The following KIAA1328 variants were observed in gnomAD, a reference collection of about 807,000 sequenced individuals.
KIAA1328 encodes protein hinderin.
Under a neutral mutation model 68.1 loss-of-function variants are expected in KIAA1328, and 52 were observed. That is an observed-to-expected ratio of 0.76 (90% CI 0.61 to 0.96). The LOEUF (loss-of-function observed/expected upper bound fraction) is 0.96. KIAA1328 is among the 40% of genes least tolerant of loss of function. KIAA1328 has a pLI of 0.00. For synonymous variants in KIAA1328, 232 were observed against 239.4 expected, an observed-to-expected ratio of 0.97 and a Z score of 0.28; for missense variants, 641 against 677.6, an observed-to-expected ratio of 0.95 and a Z score of 0.60.
At chr18:36,915,453 A>C (rs979164137) in intron 5 of KIAA1328, among the ~76,000 whole-genome samples, 15 of 152,240 alleles carry the variant, frequency 9.9e-5, no homozygotes, top group Non-Finnish European at 1.5e-5. Context: ...AGGTATATTC[A>C]GAATATCTAA....
chr18:37,166,719 G>T (rs2059396622), intron 8 of KIAA1328, among the ~76,000 whole-genome samples: 1 of 152,102 alleles, frequency 6.6e-6, no homozygotes, highest in African/African-American at 2.4e-5. Flanking sequence ...TGTTTTGTCT[G>T]ACTAAACTTT....
chr18:37,014,320 CT>C (rs2054077118), intron 6 of KIAA1328, among the ~76,000 whole-genome samples: 1 of 152,264 alleles, frequency 6.6e-6, no homozygotes, highest in Middle Eastern at 3.4e-3. Context: ...TATTTTTGCT[CT>C]GCAGACGTTC....
chr18:37,024,298 G>A (rs539840279), intron 6 of KIAA1328, among the ~76,000 whole-genome samples: 1 of 151,366 alleles, frequency 6.6e-6, no homozygotes, highest in East Asian at 1.9e-4. Flanking sequence ...ACCATGCCTG[G>A]CCTGTTATTC....
At chr18:36,916,090 G>C (rs2049686952) in intron 5 of KIAA1328, among the ~76,000 whole-genome samples, 2 of 152,124 alleles carry the variant, frequency 1.3e-5, no homozygotes, top group African/African-American at 4.8e-5. Flanking sequence ...GAGGTTCACT[G>C]AGCTTTTTGA....
intron 6 of KIAA1328, among the ~76,000 whole-genome samples, chr18:37,051,934 T>C (rs1443891535): frequency 3.3e-5 from 5 of 151,702 alleles, no homozygotes; most frequent in Non-Finnish European, 7.4e-5. Flanking sequence ...CCCAGCTATT[T>C]GGGAGGCTGA....
chr18:37,080,209 C>T (rs1488143471), intron 7 of KIAA1328, among the ~76,000 whole-genome samples: 1 of 152,176 alleles, frequency 6.6e-6, no homozygotes, highest in African/African-American at 2.4e-5. Flanking sequence ...GAACCCAGAT[C>T]TCTTTATGCC....
chr18:37,216,691 C>T (rs2060441922), intron 9 of KIAA1328, among the ~76,000 whole-genome samples: 1 of 152,012 alleles, frequency 6.6e-6, no homozygotes, highest in Admixed American at 6.6e-5. Flanking sequence ...TCCTTGTTAA[C>T]CTGCTGTCTC....
rs1378275542 is a variant in KIAA1328 at position 37,067,554 on chromosome 18, T to C, written c.1232+9T>C. ...CGACTGGATTACAATTGGTGAGTAC[T>C]GCCTGTTCTTTTTTTTTTTTTTTTG... On this transcript the variant is annotated intron_variant, in intron 7 of 9. Coordinates refer to ENST00000280020, the MANE Select transcript of KIAA1328 (RefSeq NM_020776.3). 1.4e-6 allele frequency: 2 copies of C among 1,461,612 alleles called. No individual in the cohort carries two copies. The highest frequency in any genetic ancestry group is 5.3e-5 in the Admixed American group (2 of 37,634). 90.5% of individuals were successfully genotyped at this position (1,461,612 alleles called of 1,614,324 possible).
rs578034862 is a variant in KIAA1328 at position 36,946,965 on chromosome 18, G to A, written c.449-12343G>A. On this transcript the variant is annotated intron_variant, in intron 5 of 9. Coordinates refer to ENST00000280020, the MANE Select transcript of KIAA1328 (RefSeq NM_020776.3). ...ACACTTGATGTCACTGGATTGCTTC[G>A]TGTGGGAGAAAGAAGATTGAGGGAC... 5.0e-4 allele frequency among the ~76,000 whole-genome samples: 76 copies of A among 152,138 alleles called. 1 individual carries two copies. The highest frequency in any genetic ancestry group is 4.1e-3 in the Admixed American group (62 of 15,264).
chr18:37,220,394 T>C (rs1321193510), intron 9 of KIAA1328, among the ~76,000 whole-genome samples: 2 of 152,250 alleles, frequency 1.3e-5, no homozygotes, highest in African/African-American at 4.8e-5. Flanking sequence ...TCATTAATAA[T>C]TGGTTCATTA....
intron 7 of KIAA1328, among the ~76,000 whole-genome samples, chr18:37,144,676 A>G (rs2058854833): frequency 1.3e-5 from 2 of 151,620 alleles, no homozygotes; most frequent in Non-Finnish European, 2.9e-5. Context: ...CTACAGGCAA[A>G]CACCACCACA....
intron 9 of KIAA1328, among the ~76,000 whole-genome samples, chr18:37,211,778 G>A (rs2060321399): frequency 2.6e-5 from 4 of 152,052 alleles, no homozygotes; most frequent in Admixed American, 1.3e-4. Flanking sequence ...AGAATTTGAA[G>A]CCCACAGTTC....
At chr18:37,106,273 G>A (rs930006754) in intron 7 of KIAA1328, among the ~76,000 whole-genome samples, 9 of 152,054 alleles carry the variant, frequency 5.9e-5, no homozygotes, top group African/African-American at 2.2e-4. Context: ...GTCCAGAAAA[G>A]GCTAATACAG....
At chr18:36,867,117 G>A (rs968770128) in intron 4 of KIAA1328, among the ~76,000 whole-genome samples, 2 of 152,184 alleles carry the variant, frequency 1.3e-5, no homozygotes, top group Non-Finnish European at 2.9e-5. Flanking sequence ...TTGGAGGTGT[G>A]TCCTGGTGGG....
At chr18:37,066,122 T>C (rs891052216) in intron 6 of KIAA1328, among the ~76,000 whole-genome samples, 2 of 152,206 alleles carry the variant, frequency 1.3e-5, no homozygotes, top group African/African-American at 4.8e-5. Flanking sequence ...ACATTAAAGT[T>C]TGAGAATCAT....
At chr18:36,988,585 A>T (rs2151402610) in intron 6 of KIAA1328, among the ~76,000 whole-genome samples, 1 of 152,284 alleles carries the variant, frequency 6.6e-6, no homozygotes, top group East Asian at 1.9e-4. Flanking sequence ...GCTTGGGAAT[A>T]TTGATTTTTA....
intron 4 of KIAA1328, among the ~76,000 whole-genome samples, chr18:36,858,332 G>A (rs1244729465): frequency 2.0e-5 from 3 of 152,026 alleles, no homozygotes; most frequent in African/African-American, 7.2e-5. Context: ...TTTAAAATTA[G>A]CATTTGCATG....
At chr18:36,853,641 T>C (rs985601377) in intron 4 of KIAA1328, among the ~76,000 whole-genome samples, 1 of 152,090 alleles carries the variant, frequency 6.6e-6, no homozygotes, top group Non-Finnish European at 1.5e-5. Flanking sequence ...TTTTATACAC[T>C]GTGTGCTTTT....
chr18:37,230,886 C>T (rs1207343506), downstream of KIAA1328: 1 of 152,228 alleles, frequency 6.6e-6, no homozygotes, highest in Non-Finnish European at 1.5e-5. Flanking sequence ...AAGTTCCCCA[C>T]TGCTTACAGG....
Sources: allele counts gnomAD v4.1 joint callset (sites outside exome capture counted in the v4.1 genomes callset), GRCh38; gene constraint gnomAD v4.1.1; transcripts MANE v1.5; gene names NCBI Gene and HGNC (gene_info 2026-07-23, HGNC 2026-07-21).